Variants in RGS7 observed in about 807,000 individuals in gnomAD.
RGS7 encodes regulator of G-protein signaling 7.
RGS7 carries 27 observed loss-of-function variants against 81.1 expected under a neutral mutation model. That is an observed-to-expected ratio of 0.33 (90% confidence interval 0.25 to 0.46). The LOEUF (loss-of-function observed/expected upper bound fraction) is 0.46, where lower values mean the gene tolerates loss of function less well. RGS7 is among the 20% of genes least tolerant of loss of function. The probability of loss-of-function intolerance (pLI) is 1.00; values close to 1 mark genes in which losing one functional copy is unlikely to be tolerated. For missense variants in RGS7, 396 were observed against 607.4 expected, an observed-to-expected ratio of 0.65 and a Z score of 3.66; for synonymous variants, 208 against 207.7, an observed-to-expected ratio of 1.00 and a Z score of -0.01.
intron 3 of RGS7, among the ~76,000 whole-genome samples, chr1:241,020,974 A>C (rs993240027): frequency 1.3e-5 from 2 of 152,230 alleles, no homozygotes; most frequent in Non-Finnish European, 2.9e-5. Context: ...ATGGGAAATT[A>C]AGACAGAAGG....
chr1:241,311,216 C>A (rs1193288728), intron 2 of RGS7, among the ~76,000 whole-genome samples: 2 of 152,158 alleles, frequency 1.3e-5, no homozygotes, highest in Non-Finnish European at 2.9e-5. Context: ...ACAACTTAGG[C>A]ATTCCTGAAA....
intron 4 of RGS7, among the ~76,000 whole-genome samples, chr1:240,943,390 G>T (rs1054187771): frequency 3.9e-5 from 6 of 152,122 alleles, no homozygotes; most frequent in Admixed American, 6.5e-5. Flanking sequence ...TAGCAGTAAG[G>T]ATCCATTGAG....
intron 2 of RGS7, among the ~76,000 whole-genome samples, chr1:241,312,843 C>T (rs1412522209): frequency 6.6e-6 from 1 of 152,018 alleles, no homozygotes; most frequent in Non-Finnish European, 1.5e-5. Flanking sequence ...CTAAGATAAG[C>T]CAAACAGTCA....
At chr1:241,086,354 T>C (rs780115889) in intron 3 of RGS7, among the ~76,000 whole-genome samples, 3 of 152,208 alleles carry the variant, frequency 2.0e-5, no homozygotes, top group Non-Finnish European at 4.4e-5. Flanking sequence ...GTCATACATA[T>C]GGGTGACATC....
chr1:240,836,893 A>C (rs1205827023), intron 9 of RGS7, among the ~76,000 whole-genome samples: 1 of 152,202 alleles, frequency 6.6e-6, no homozygotes, highest in Non-Finnish European at 1.5e-5. Context: ...AATTTTCTGT[A>C]GTCCTACCAC....
intron 6 of RGS7, chr1:240,919,775 C>CA: frequency 1.4e-6 from 1 of 698,404 alleles, no homozygotes; most frequent in Non-Finnish European, 2.6e-6. Context: ...TGCTCATGGA[C>CA]TGTGTGGTAA....
chr1:241,041,432 G>T (rs2060610437), intron 3 of RGS7, among the ~76,000 whole-genome samples: 1 of 151,960 alleles, frequency 6.6e-6, no homozygotes, highest in Admixed American at 6.6e-5. Context: ...TGTACTTATG[G>T]CCCTGGGCAG....
intron 2 of RGS7, among the ~76,000 whole-genome samples, chr1:241,201,824 G>A (rs187802266): frequency 3.3e-5 from 5 of 152,188 alleles, no homozygotes; most frequent in African/African-American, 4.8e-5. Context: ...TGAAGTAAAC[G>A]TAGGAGCCAG....
At chr1:240,797,797 C>T (rs1428269991) in intron 18 of RGS7, among the ~76,000 whole-genome samples, 1 of 152,126 alleles carries the variant, frequency 6.6e-6, no homozygotes, top group Non-Finnish European at 1.5e-5. Flanking sequence ...TATGAGAGGA[C>T]ATAGTAACCC....
intron 2 of RGS7, among the ~76,000 whole-genome samples, chr1:241,135,913 T>G (rs74150221): frequency 0.017 from 2,616 of 151,446 alleles, 93 homozygotes; most frequent in African/African-American, 0.061. Flanking sequence ...GTAGCCTTTC[T>G]TTATGCAGTG....
intron 4 of RGS7, among the ~76,000 whole-genome samples, chr1:240,943,949 A>G (rs570575703): frequency 6.6e-6 from 1 of 152,214 alleles, no homozygotes; most frequent in Non-Finnish European, 1.5e-5. Flanking sequence ...CCTAGGACTA[A>G]AAAAAGAAAA....
At chr1:241,089,557 G>A (rs964495645) in intron 3 of RGS7, among the ~76,000 whole-genome samples, 24 of 151,838 alleles carry the variant, frequency 1.6e-4, no homozygotes, top group African/African-American at 5.1e-4. Context: ...GTTACCCCTC[G>A]ATTGATGTAA....
intron 2 of RGS7, among the ~76,000 whole-genome samples, chr1:241,181,990 C>A (rs2071659167): frequency 6.6e-6 from 1 of 152,202 alleles, no homozygotes; most frequent in African/African-American, 2.4e-5. Flanking sequence ...CCATTCCTGG[C>A]CTGCTCTCTA....
intron 3 of RGS7, among the ~76,000 whole-genome samples, chr1:241,064,183 C>CAAAAAAAA (rs140883852): frequency 1.3e-5 from 1 of 78,174 alleles, no homozygotes; most frequent in Non-Finnish European, 2.5e-5. Flanking sequence ...AACTCAGTTT[C>CAAAAAAAA]AAAAAAAAAA....
intron 2 of RGS7, among the ~76,000 whole-genome samples, chr1:241,190,748 A>G (rs2072577522): frequency 6.6e-6 from 1 of 152,130 alleles, no homozygotes; most frequent in South Asian, 2.1e-4. Flanking sequence ...ATAGACAATT[A>G]TTCCATCTGA....
At chr1:241,073,618 G>A (rs564460260) in intron 3 of RGS7, among the ~76,000 whole-genome samples, 1 of 152,260 alleles carries the variant, frequency 6.6e-6, no homozygotes, top group South Asian at 2.1e-4. Context: ...TTGGAATCGG[G>A]TGAATCTGCA....
intron 2 of RGS7, among the ~76,000 whole-genome samples, chr1:241,190,016 T>C (rs2103361225): frequency 6.6e-6 from 1 of 151,992 alleles, no homozygotes; most frequent in East Asian, 1.9e-4. Context: ...GGCAGGAGAA[T>C]GGCGTGAACC....
intron 2 of RGS7, among the ~76,000 whole-genome samples, chr1:241,160,672 C>A (rs573045053): frequency 6.6e-6 from 1 of 152,322 alleles, no homozygotes; most frequent in South Asian, 2.1e-4. Flanking sequence ...GTACCCTTCA[C>A]ATAACAACTG....
intron 2 of RGS7, among the ~76,000 whole-genome samples, chr1:241,281,144 C>A (rs533982655): frequency 6.6e-6 from 1 of 152,120 alleles, no homozygotes; most frequent in Non-Finnish European, 1.5e-5. Flanking sequence ...AAAATATACA[C>A]AAGTCTATTA....
Sources: allele counts gnomAD v4.1 joint callset (sites outside exome capture counted in the v4.1 genomes callset), GRCh38; gene constraint gnomAD v4.1.1; transcripts MANE v1.5; gene names NCBI Gene and HGNC (gene_info 2026-07-23, HGNC 2026-07-21).